The following CIMAP1D variants were observed in gnomAD, a reference collection of about 807,000 sequenced individuals.
CIMAP1D encodes CIMAP1 family member D.
chr19:483,439 T>C, the CIMAP1D span, among the ~76,000 whole-genome samples: 39,214 of 151,986 alleles, frequency 0.26, 5,081 homozygotes, highest in East Asian at 0.28. Flanking sequence ...CTGCCTGAGT[T>C]CCCTCACCAC....
At chr19:470,276 A>G in the CIMAP1D span, among the ~76,000 whole-genome samples, 3 of 147,636 alleles carry the variant, frequency 2.0e-5, no homozygotes, top group African/African-American at 7.5e-5. Flanking sequence ...GCACAGTCTC[A>G]GCTCACTGCA....
chr19:487,694 G>C, the CIMAP1D span, among the ~76,000 whole-genome samples: 5 of 152,108 alleles, frequency 3.3e-5, no homozygotes, highest in Admixed American at 3.3e-4. Context: ...CATGAGGCAG[G>C]GGGGATCAGC....
the CIMAP1D span, among the ~76,000 whole-genome samples, chr19:488,835 A>T: frequency 6.6e-6 from 1 of 152,038 alleles, no homozygotes; most frequent in Non-Finnish European, 1.5e-5. Context: ...GCGCTGGAAG[A>T]CTCGCGGCGG....
At chr19:465,894 G>A in the CIMAP1D span, among the ~76,000 whole-genome samples, 2 of 139,362 alleles carry the variant, frequency 1.4e-5, no homozygotes, top group Non-Finnish European at 3.1e-5. Context: ...ATGGGCGGGT[G>A]GATGGATGGG....
chr19:491,419 G>C, the CIMAP1D span, among the ~76,000 whole-genome samples: 1 of 152,226 alleles, frequency 6.6e-6, no homozygotes, highest in Non-Finnish European at 1.5e-5. Flanking sequence ...CGTGTGGCTT[G>C]TGCCCTTCTA....
chr19:474,716 C>T, the CIMAP1D span: 11 of 1,550,660 alleles, frequency 7.1e-6, no homozygotes, highest in South Asian at 3.6e-5. Context: ...TGTGGCCAGC[C>T]GTGGGGTGGA....
the CIMAP1D span, chr19:463,810 GC>G: frequency 0.82 from 1,296,212 of 1,582,806 alleles, 532,555 homozygotes; most frequent in East Asian, 0.99. Context: ...AGGCCCGCCA[GC>G]CCCCCGTTCA....
At chr19:485,844 G>A in the CIMAP1D span, among the ~76,000 whole-genome samples, 6 of 152,172 alleles carry the variant, frequency 3.9e-5, no homozygotes, top group Admixed American at 1.3e-4. Flanking sequence ...CCACCGGCCC[G>A]TCCAGGGTCA....
At chr19:471,482 GC>G in the CIMAP1D span, among the ~76,000 whole-genome samples, 2 of 152,074 alleles carry the variant, frequency 1.3e-5, no homozygotes, top group East Asian at 3.9e-4. Flanking sequence ...TCACTCTGTC[GC>G]CCAGGCTGGA....
chr19:490,779 C>T, the CIMAP1D span, among the ~76,000 whole-genome samples: 1 of 152,136 alleles, frequency 6.6e-6, no homozygotes, highest in African/African-American at 2.4e-5. Context: ...GCCTGACCAA[C>T]ATGGGGAAAC....
At chr19:483,744 C>T in the CIMAP1D span, among the ~76,000 whole-genome samples, 1 of 152,214 alleles carries the variant, frequency 6.6e-6, no homozygotes, top group Non-Finnish European at 1.5e-5. Context: ...TCTCATGGGT[C>T]CCCGGAAGCT....
At chr19:487,835 G>T in the CIMAP1D span, among the ~76,000 whole-genome samples, 1 of 152,310 alleles carries the variant, frequency 6.6e-6, no homozygotes, top group South Asian at 2.1e-4. Context: ...AGGCAGAAAT[G>T]AAATCCACAG....
At chr19:479,549 C>A in the CIMAP1D span, among the ~76,000 whole-genome samples, 1 of 152,030 alleles carries the variant, frequency 6.6e-6, no homozygotes, top group Non-Finnish European at 1.5e-5. Context: ...GGATTACAGG[C>A]GTGCGCAACC....
chr19:477,767 AT>A, the CIMAP1D span, among the ~76,000 whole-genome samples: 1 of 152,038 alleles, frequency 6.6e-6, no homozygotes, highest in African/African-American at 2.4e-5. Context: ...GGTTCACGCC[AT>A]TCTCCTGCCT....
chr19:467,880 G>A, the CIMAP1D span: 1 of 644,662 alleles, frequency 1.6e-6, no homozygotes, highest in Non-Finnish European at 2.7e-6. Flanking sequence ...GGCCACCCCA[G>A]TCCCATCTCG....
At chr19:463,759 C>G in the CIMAP1D span, 71 of 1,516,872 alleles carry the variant, frequency 4.7e-5, no homozygotes, top group East Asian at 1.7e-3. Flanking sequence ...CCCAGCCCCT[C>G]TCGCCTTCTA....
chr19:466,218 G>A, the CIMAP1D span, among the ~76,000 whole-genome samples: 2 of 135,798 alleles, frequency 1.5e-5, no homozygotes, highest in African/African-American at 2.8e-5. Flanking sequence ...GTGGGCGGGT[G>A]GGTGGATGGA....
chr19:488,971 A>AAGCCCGCATC, the CIMAP1D span, among the ~76,000 whole-genome samples: 35 of 152,098 alleles, frequency 2.3e-4, no homozygotes, highest in Non-Finnish European at 3.4e-4. Flanking sequence ...CGCCCGCCCC[A>AAGCCCGCATC]AGCCCGCATC....
chr19:465,543 G>A, the CIMAP1D span, among the ~76,000 whole-genome samples: 30 of 147,014 alleles, frequency 2.0e-4, no homozygotes, highest in South Asian at 5.9e-3. Flanking sequence ...GGGTAGGTGG[G>A]TGGATGGATA....
Sources: allele counts gnomAD v4.1 joint callset (sites outside exome capture counted in the v4.1 genomes callset), GRCh38; gene constraint gnomAD v4.1.1; transcripts MANE v1.5; gene names NCBI Gene and HGNC (gene_info 2026-07-23, HGNC 2026-07-21).